Variants in KDM4C observed in about 807,000 individuals in gnomAD.
KDM4C encodes the protein lysine demethylase 4C.
KDM4C carries 81 observed loss-of-function variants against 129.3 expected under a neutral mutation model. The ratio of observed to expected loss-of-function variants is 0.63; its 90% CI spans 0.52 to 0.75. The LOEUF (loss-of-function observed/expected upper bound fraction) is 0.75. Ranked by LOEUF, KDM4C falls within the 30% of genes least tolerant of loss-of-function variation. KDM4C has a pLI of 0.00. For synonymous variants in KDM4C, 573 were observed against 456.1 expected (o/e 1.26, Z -3.26); for missense variants, 1,457 against 1,304.0 (o/e 1.12, Z -1.81).
intron 8 of KDM4C, among the ~76,000 whole-genome samples, chr9:6,967,651 A>G (rs182567607): frequency 1.5e-3 from 222 of 152,288 alleles, no homozygotes; most frequent in African/African-American, 4.5e-3. Flanking sequence ...CTGCACCTGT[A>G]TGCCTTCTGT....
intron 8 of KDM4C, among the ~76,000 whole-genome samples, chr9:6,898,368 A>G (rs1430498765): frequency 2.0e-5 from 3 of 152,064 alleles, no homozygotes; most frequent in African/African-American, 7.3e-5. Flanking sequence ...GAAGCAGTGT[A>G]TTTATTACAG....
intron 3 of KDM4C, among the ~76,000 whole-genome samples, chr9:6,809,243 C>T (rs763127356): frequency 2.0e-5 from 3 of 152,086 alleles, no homozygotes; most frequent in Non-Finnish European, 2.9e-5. Context: ...TCTTATTAAT[C>T]GAGAACATGA....
At chr9:7,002,331 C>A (rs988149160) in intron 12 of KDM4C, among the ~76,000 whole-genome samples, 4 of 152,086 alleles carry the variant, frequency 2.6e-5, no homozygotes, top group African/African-American at 9.7e-5. Flanking sequence ...TGTAAATTGA[C>A]AATTTATAAT....
chr9:6,814,799 G>T, intron 4 of KDM4C, 54 bp downstream of exon 4: 1 of 1,184,458 alleles, frequency 8.4e-7, no homozygotes, highest in Non-Finnish European at 1.2e-6. Flanking sequence ...TGACAGTTTT[G>T]TTACCATTTA....
chr9:6,821,559 G>A (rs1429451485), intron 4 of KDM4C, among the ~76,000 whole-genome samples: 3 of 152,050 alleles, frequency 2.0e-5, no homozygotes, highest in African/African-American at 4.8e-5. Flanking sequence ...CCCACTTTTT[G>A]ATGGGGTTGT....
At chr9:7,073,396 TTA>T (rs921605362) in intron 17 of KDM4C, among the ~76,000 whole-genome samples, 24 of 152,244 alleles carry the variant, frequency 1.6e-4, no homozygotes, top group Non-Finnish European at 3.4e-4. Context: ...AACTCTTATT[TTA>T]TATGTTATAT....
intron 4 of KDM4C, among the ~76,000 whole-genome samples, chr9:6,818,185 T>C (rs757889821): frequency 1.3e-5 from 2 of 152,242 alleles, no homozygotes; most frequent in Non-Finnish European, 2.9e-5. Context: ...AGAAGGTTTT[T>C]ACAGTTTTTT....
At chr9:7,132,484 C>T (rs1840746139) in intron 19 of KDM4C, among the ~76,000 whole-genome samples, 1 of 152,100 alleles carries the variant, frequency 6.6e-6, no homozygotes, top group African/African-American at 2.4e-5. Flanking sequence ...GCAAAAAATT[C>T]TTTCTCAACA....
intron 19 of KDM4C, among the ~76,000 whole-genome samples, chr9:7,152,796 T>C (rs1338225379): frequency 2.0e-5 from 3 of 152,220 alleles, no homozygotes; most frequent in African/African-American, 7.2e-5. Flanking sequence ...TTCCAAGCTC[T>C]TGACAAATAG....
intron 8 of KDM4C, among the ~76,000 whole-genome samples, chr9:6,956,609 A>T (rs1829108185): frequency 6.6e-6 from 1 of 152,182 alleles, no homozygotes; most frequent in African/African-American, 2.4e-5. Context: ...GTATTATCTA[A>T]GGTTGCGTTT....
At chr9:6,917,806 C>A (rs544147402) in intron 8 of KDM4C, among the ~76,000 whole-genome samples, 1 of 152,266 alleles carries the variant, frequency 6.6e-6, no homozygotes, top group African/African-American at 2.4e-5. Context: ...TACACTTGAA[C>A]TCCCATTCTT....
At chr9:7,069,659 A>G (rs1832929166) in intron 17 of KDM4C, among the ~76,000 whole-genome samples, 1 of 152,252 alleles carries the variant, frequency 6.6e-6, no homozygotes, top group South Asian at 2.1e-4. Context: ...AAAACCAGGA[A>G]AGTAACATTG....
intron 15 of KDM4C, among the ~76,000 whole-genome samples, chr9:7,040,402 T>TGTGTGC (rs1554712910): frequency 6.7e-6 from 1 of 148,180 alleles, no homozygotes; most frequent in African/African-American, 2.5e-5. Flanking sequence ...TGTGTGTGTG[T>TGTGTGC]GTGCGTGTGT....
chr9:6,957,950 G>A (rs1317928999), intron 8 of KDM4C, among the ~76,000 whole-genome samples: 4 of 152,150 alleles, frequency 2.6e-5, no homozygotes, highest in Non-Finnish European at 4.4e-5. Flanking sequence ...TGTAGAATCC[G>A]TGTTTGAGGG....
chr9:6,911,395 C>T (rs1052582526), intron 8 of KDM4C, among the ~76,000 whole-genome samples: 15 of 152,162 alleles, frequency 9.9e-5, no homozygotes, highest in Non-Finnish European at 1.6e-4. Context: ...AATAATTCTT[C>T]AGTGTGCGTA....
chr9:6,817,208 C>CCCCTCT (rs1261786775), intron 4 of KDM4C, among the ~76,000 whole-genome samples: 1 of 94,952 alleles, frequency 1.1e-5, no homozygotes. Context: ...CCCCCCCCCA[C>CCCCTCT]TTTTTTTTTT....
intron 18 of KDM4C, among the ~76,000 whole-genome samples, chr9:7,118,179 A>G (rs1213202928): frequency 1.3e-5 from 2 of 152,226 alleles, no homozygotes; most frequent in Admixed American, 1.3e-4. Context: ...CAGACATTAA[A>G]GTGAATAAGA....
At chr9:6,922,401 TC>T (rs1003032957) in intron 8 of KDM4C, among the ~76,000 whole-genome samples, 9 of 149,378 alleles carry the variant, frequency 6.0e-5, no homozygotes, top group African/African-American at 7.7e-5. Flanking sequence ...ACTGTTTTTT[TC>T]CCCCCCATTA....
chr9:7,107,128 G>A (rs746172206), intron 18 of KDM4C, among the ~76,000 whole-genome samples: 8 of 152,188 alleles, frequency 5.3e-5, no homozygotes, highest in Non-Finnish European at 1.2e-4. Flanking sequence ...ACATGAGTGT[G>A]TGCTCATCTG....
Sources: allele counts gnomAD v4.1 joint callset (sites outside exome capture counted in the v4.1 genomes callset), GRCh38; gene constraint gnomAD v4.1.1; transcripts MANE v1.5; gene names NCBI Gene and HGNC (gene_info 2026-07-23, HGNC 2026-07-21).